The following CEP192 variants were observed in gnomAD, a reference collection of about 807,000 sequenced individuals.
CEP192 encodes centrosomal protein 192.
CEP192 carries 151 observed loss-of-function variants against 271.8 expected under a neutral mutation model. The observed-to-expected ratio is 0.56, with a 90% CI of 0.49 to 0.64. The LOEUF (loss-of-function observed/expected upper bound fraction) is 0.64. Ranked by LOEUF, CEP192 falls within the 30% of genes least tolerant of loss-of-function variation. CEP192 has a pLI of 0.00. For missense variants in CEP192, 2,910 were observed against 3,020.5 expected (o/e 0.96, Z 0.86); for synonymous variants, 995 against 1,076.5 (o/e 0.92, Z 1.48).
At chr18:13,090,036 A>G (rs1029206666) in intron 33 of CEP192, among the ~76,000 whole-genome samples, 1 of 152,342 alleles carries the variant, frequency 6.6e-6, no homozygotes, top group Admixed American at 6.5e-5. Context: ...AAACTTCAAA[A>G]TAGATAGTAA....
chr18:13,067,549 A>G (rs1460172054), intron 21 of CEP192, among the ~76,000 whole-genome samples: 2 of 152,262 alleles, frequency 1.3e-5, no homozygotes, highest in African/African-American at 2.4e-5. Context: ...AAAGGGGTCT[A>G]TAATTTTATA....
chr18:13,076,425 T>C (rs2144534457), intron 30 of CEP192, among the ~76,000 whole-genome samples: 1 of 152,008 alleles, frequency 6.6e-6, no homozygotes. Flanking sequence ...GGATTGTTGG[T>C]CAGGATGGTC....
Position 13,056,074 on chromosome 18 carries a change from T to C in CEP192, c.3484T>C (p.Leu1162=), listed in dbSNP as rs752964720. ...EVGWTSNPEE[L]DPIRLALLGK... The stretch of plus-strand genomic sequence containing the variant: ...AGGTTGGACATCAAACCCTGAGGAA[T>C]TGGACCCGATCAGGCTGGCTCTCCT... The change falls in exon 19 of 45, where the codon TTG becomes CTG. Residue 1162 remains leucine (L), a synonymous_variant. Transcript: ENST00000506447. 9 of 1,614,060 alleles carry C rather than the reference T, an allele frequency of 5.6e-6. No homozygotes were observed. Among genetic ancestry groups the C allele is most frequent in the Non-Finnish European group, 6.8e-6 (8 of 1,179,962 alleles).
intron 3 of CEP192, among the ~76,000 whole-genome samples, chr18:13,006,065 T>G (rs2033959774): frequency 6.6e-6 from 1 of 152,212 alleles, no homozygotes; most frequent in South Asian, 2.1e-4. Context: ...AGATCAGTTC[T>G]GGATAATTAT....
intron 1 of CEP192, among the ~76,000 whole-genome samples, chr18:12,996,431 A>C (rs2033244924): frequency 6.6e-6 from 1 of 152,158 alleles, no homozygotes; most frequent in South Asian, 2.1e-4. Context: ...ATTGGAATCA[A>C]GATTCAAATG....
chr18:13,008,737 C>A, intron 4 of CEP192, 106 bp downstream of exon 4: 1 of 873,588 alleles, frequency 1.1e-6, no homozygotes, highest in Non-Finnish European at 1.7e-6. Context: ...GGGTCGCACT[C>A]CTGTCGCCCA....
At chr18:13,099,036 C>G (rs957020656) in intron 36 of CEP192, among the ~76,000 whole-genome samples, 6 of 152,048 alleles carry the variant, frequency 3.9e-5, no homozygotes, top group African/African-American at 1.4e-4. Flanking sequence ...GAAAACCAGT[C>G]AGGCGTGGCA....
chr18:13,051,699 A>G (rs879499210), intron 17 of CEP192, among the ~76,000 whole-genome samples: 2 of 152,096 alleles, frequency 1.3e-5, no homozygotes, highest in Non-Finnish European at 2.9e-5. Context: ...GCCCGCCACC[A>G]TGCCCAACTA....
chr18:13,059,503 G>A (rs1458159437), intron 21 of CEP192, among the ~76,000 whole-genome samples, 191 bp downstream of exon 21: 2 of 152,146 alleles, frequency 1.3e-5, no homozygotes, highest in Non-Finnish European at 2.9e-5. Flanking sequence ...AGTAACACAA[G>A]TATACTTGCT....
At chr18:13,100,063 G>A (rs2039633320) in intron 37 of CEP192, among the ~76,000 whole-genome samples, 1 of 152,198 alleles carries the variant, frequency 6.6e-6, no homozygotes, top group South Asian at 2.1e-4. Context: ...GGGAATGGGT[G>A]TGGAGAGTGG....
chr18:13,071,598 A>T (rs966114539), intron 28 of CEP192, among the ~76,000 whole-genome samples: 1 of 152,234 alleles, frequency 6.6e-6, no homozygotes, highest in Non-Finnish European at 1.5e-5. Flanking sequence ...AGCAAAACCC[A>T]TGAAAGTGTT....
At chr18:13,108,887 A>T (rs1298993583) in intron 40 of CEP192, among the ~76,000 whole-genome samples, 3 of 152,196 alleles carry the variant, frequency 2.0e-5, no homozygotes, top group Admixed American at 2.0e-4. Flanking sequence ...AAAAAATAAA[A>T]CAAAAAGTCA....
At chr18:13,123,527 G>A (rs575750919) in intron 44 of CEP192, among the ~76,000 whole-genome samples, 72 of 152,278 alleles carry the variant, frequency 4.7e-4, no homozygotes, top group African/African-American at 1.6e-3. Flanking sequence ...GCTGGAAACC[G>A]AAACGTACAT....
At chr18:13,045,818 A>G (rs192243720) in intron 15 of CEP192, among the ~76,000 whole-genome samples, 7 of 152,342 alleles carry the variant, frequency 4.6e-5, no homozygotes, top group Admixed American at 1.3e-4. Context: ...GTGTGTAGTA[A>G]TGCTTTTTTC....
rs147136394 is a variant in CEP192 at position 13,114,275 on chromosome 18, T to G, written c.7289+24T>G. ...GAGTATGTTGTTTTTGTCATTCTTATGAGTTTTTTCCCAGTACTTTATTGA... is the reference window on the plus strand; with the variant it reads ...GAGTATGTTGTTTTTGTCATTCTTAGGAGTTTTTTCCCAGTACTTTATTGA... On this transcript the variant is annotated intron_variant, in intron 42 of 44. Transcript: ENST00000506447. The G allele has an allele frequency of 4.4e-6, 7 of 1,608,264 alleles. No individual in the cohort carries two copies. The South Asian group carries it at 5.6e-5, about 13-fold the overall frequency.
At chr18:13,036,764 G>A (rs956875260) in intron 11 of CEP192, among the ~76,000 whole-genome samples, 3 of 152,226 alleles carry the variant, frequency 2.0e-5, no homozygotes, top group African/African-American at 7.2e-5. Flanking sequence ...CAGCCTTGAG[G>A]GCAGACATTA....
Position 13,017,287 on chromosome 18 carries a change from C to G in CEP192, c.740C>G (p.Pro247Arg), listed in dbSNP as rs918289596. 1.3e-6 allele frequency: 2 copies of G among 1,549,182 alleles called. No homozygotes were observed. The highest frequency in any genetic ancestry group is 1.7e-6 in the Non-Finnish European group (2 of 1,146,052). ...ATGATATATGAAGACCTAGAAGGAC[C>G]AGAACCTCCAGAAAAAGGTTTTAAG... ...PGMIYEDLEG[P>R]EPPEKGFKLP... Residue 247 changes from proline to arginine, a missense_variant, in exon 7 of 45, where the codon CCA (proline) becomes CGA (arginine). Transcript: ENST00000506447.
chr18:13,099,715 A>G (rs529676450), intron 37 of CEP192, 134 bp downstream of exon 37: 1 of 553,706 alleles, frequency 1.8e-6, no homozygotes, highest in African/African-American at 1.9e-5. Context: ...TGTGGGTTCC[A>G]CTTCCAGGGA....
At chr18:13,025,803 A>T (rs1044469149) in intron 9 of CEP192, among the ~76,000 whole-genome samples, 1 of 152,152 alleles carries the variant, frequency 6.6e-6, no homozygotes, top group Non-Finnish European at 1.5e-5. Flanking sequence ...GTGTGTCTGT[A>T]TATAGACACA....
Sources: allele counts gnomAD v4.1 joint callset (sites outside exome capture counted in the v4.1 genomes callset), GRCh38; gene constraint gnomAD v4.1.1; transcripts MANE v1.5; gene names NCBI Gene and HGNC (gene_info 2026-07-23, HGNC 2026-07-21).